SLC26A5: variants seen among roughly 807,000 people sequenced by gnomAD.
The protein encoded by SLC26A5 is prestin.
A neutral mutation model predicts 81.0 loss-of-function variants in SLC26A5; 51 were observed. That is an observed-to-expected ratio of 0.63 (90% CI 0.50 to 0.80). The LOEUF is 0.80. Ranked by LOEUF, SLC26A5 falls within the 30% of genes least tolerant of loss-of-function variation. SLC26A5 has a pLI of 0.00. For synonymous variants in SLC26A5, 325 were observed against 332.8 expected (o/e 0.98, Z 0.25); for missense variants, 771 against 905.8 (o/e 0.85, Z 1.91).
chr7:103,393,139 G>A, intron 9 of SLC26A5, 73 bp from the exon 10 acceptor site: 1 of 1,575,896 alleles, frequency 6.3e-7, no homozygotes, highest in Non-Finnish European at 8.7e-7. Context: ...CGACTGCAGG[G>A]AAGCATTTTA....
chr7:103,394,360 A>T (rs1322103130), intron 9 of SLC26A5, among the ~76,000 whole-genome samples: 1 of 152,212 alleles, frequency 6.6e-6, no homozygotes, highest in East Asian at 1.9e-4. Context: ...CCTAAACTGT[A>T]GCAGGGAGTC....
At chr7:103,425,939 C>T (rs1825683236) in intron 2 of SLC26A5, among the ~76,000 whole-genome samples, 1 of 152,160 alleles carries the variant, frequency 6.6e-6, no homozygotes, top group South Asian at 2.1e-4. Context: ...ATAGCAAAGG[C>T]TCAAAACCAC....
At chr7:103,434,411 A>C (rs953932798) in intron 2 of SLC26A5, among the ~76,000 whole-genome samples, 1 of 152,088 alleles carries the variant, frequency 6.6e-6, no homozygotes, top group Non-Finnish European at 1.5e-5. Flanking sequence ...TTTTGTAACA[A>C]TTGTATCTCT....
At chr7:103,412,553 GTTT>G (rs565602326) in intron 5 of SLC26A5, among the ~76,000 whole-genome samples, 1 of 114,392 alleles carries the variant, frequency 8.7e-6, no homozygotes, top group Admixed American at 8.4e-5. Flanking sequence ...TTTTTTTTTT[GTTT>G]TTTTTTTTTT....
chr7:103,366,522 C>T (rs1450917333), intron 19 of SLC26A5, among the ~76,000 whole-genome samples: 2 of 152,202 alleles, frequency 1.3e-5, no homozygotes, highest in Non-Finnish European at 2.9e-5. Context: ...TAAAGTGCTC[C>T]AATGAGTATT....
chr7:103,402,616 G>C (rs963678261), intron 8 of SLC26A5, among the ~76,000 whole-genome samples: 2 of 151,854 alleles, frequency 1.3e-5, no homozygotes, highest in African/African-American at 2.4e-5. Context: ...GGCCAATATG[G>C]TCTTGATCTC....
chr7:103,364,341 G>A (rs1164454865), intron 19 of SLC26A5: 1 of 1,607,882 alleles, frequency 6.2e-7, no homozygotes, highest in Admixed American at 1.7e-5. Flanking sequence ...ATATAGCCTT[G>A]TGAAAGATTT....
intron 1 of SLC26A5, chr7:103,445,724 T>C (rs984341870): frequency 6.6e-6 from 1 of 152,158 alleles, no homozygotes; most frequent in African/African-American, 2.4e-5. Context: ...CCTGGTTTTG[T>C]GTAATTCGAT....
chr7:103,434,063 G>C (rs1033492439), intron 2 of SLC26A5, among the ~76,000 whole-genome samples: 1 of 152,058 alleles, frequency 6.6e-6, no homozygotes, highest in Non-Finnish European at 1.5e-5. Context: ...CATTGCAATT[G>C]TGGATTAGCT....
intron 4 of SLC26A5, among the ~76,000 whole-genome samples, chr7:103,420,098 T>C (rs1309813979): frequency 6.6e-6 from 1 of 152,110 alleles, no homozygotes; most frequent in Non-Finnish European, 1.5e-5. Flanking sequence ...TGCTGCAATA[T>C]ACTACAGGAA....
rs181484281 is a variant in SLC26A5, at chr7:103,366,822, T to A, written c.2041+9986A>T. On this transcript the variant is annotated intron_variant, in intron 19 of 19. Transcript: ENST00000339444. ...GAAATCTAGACTTTTTTTTTTGTTT[T>A]AAGAAACAGTCTCACTCTGTTGCTC... 5.0e-3 allele frequency among the ~76,000 whole-genome samples: 758 copies of A among 152,258 alleles called. 9 individuals carry two copies. Among genetic ancestry groups the A allele is most frequent in the African/African-American group, 0.017 (702 of 41,538 alleles).
In SLC26A5 at chr7:103,367,833, A is replaced by G; in HGVS notation, c.2041+8975T>C. On this transcript the variant is annotated intron_variant, in intron 19 of 19. Transcript: ENST00000339444. This position sits in a 1 kb window ranked among gnomAD's most constrained non-coding sequence, Gnocchi z 6.1. ...TGGTAAGTAGAAAGTTCTTGCTTAT[A>G]TTTGCTGGTCTGTCTGCTCAGGCTG... 6.2e-7 allele frequency: 1 copy of G among 1,612,006 alleles called. No individual in the cohort carries two copies. The highest frequency in any genetic ancestry group is 8.5e-7 in the Non-Finnish European group (1 of 1,179,172).
At chr7:103,365,661 G>A (rs1474923976) in intron 19 of SLC26A5, among the ~76,000 whole-genome samples, 1 of 151,904 alleles carries the variant, frequency 6.6e-6, no homozygotes. Context: ...TGCGCGCAGT[G>A]GCTCACGTCT....
chr7:103,380,592 CGT>C (rs1563516886), intron 14 of SLC26A5, 43 bp from the exon 15 acceptor site: 2 of 1,554,018 alleles, frequency 1.3e-6, no homozygotes, highest in Non-Finnish European at 1.8e-6. Flanking sequence ...TGAGGCACAG[CGT>C]GTGATTTCAA....
intron 19 of SLC26A5, chr7:103,368,487 C>T (rs1820838998): frequency 6.5e-6 from 1 of 154,464 alleles, no homozygotes; most frequent in African/African-American, 2.4e-5. Context: ...ATTACCTATG[C>T]TCCTATTATC....
chr7:103,418,123 C>T (rs1049694562), intron 4 of SLC26A5, among the ~76,000 whole-genome samples: 9 of 152,152 alleles, frequency 5.9e-5, no homozygotes, highest in African/African-American at 1.9e-4. Context: ...CTTGACCATC[C>T]CTCCTCTTCA....
At chr7:103,383,813 T>G (rs1821977014) in intron 14 of SLC26A5, among the ~76,000 whole-genome samples, 1 of 152,102 alleles carries the variant, frequency 6.6e-6, no homozygotes, top group African/African-American at 2.4e-5. Flanking sequence ...TAGCTGGGAC[T>G]ATAGGGGTGC....
chr7:103,407,786 C>T (rs759381909), intron 8 of SLC26A5, 65 bp downstream of exon 8: 160 of 1,577,954 alleles, frequency 1.0e-4, no homozygotes, highest in Non-Finnish European at 1.2e-4. Context: ...ACTTCAAAAT[C>T]CCTCACAGAA....
intron 9 of SLC26A5, among the ~76,000 whole-genome samples, chr7:103,395,081 C>A (rs1822976389): frequency 6.6e-6 from 1 of 152,216 alleles, no homozygotes; most frequent in East Asian, 1.9e-4. Context: ...AGATGCATAA[C>A]AAACCCCAAG....
Sources: allele counts gnomAD v4.1 joint callset (sites outside exome capture counted in the v4.1 genomes callset), GRCh38; gene constraint gnomAD v4.1.1; non-coding constraint Gnocchi (gnomAD v3.1); transcripts MANE v1.5; gene names NCBI Gene and HGNC (gene_info 2026-07-23, HGNC 2026-07-21).